The following PCOLCE variants were observed in gnomAD, a reference collection of about 807,000 sequenced individuals.
PCOLCE encodes the protein procollagen C-endopeptidase enhancer.
Under a neutral mutation model 47.2 loss-of-function variants are expected in PCOLCE, and 33 were observed. The observed-to-expected ratio is 0.70, with a 90% CI of 0.53 to 0.93. The LOEUF is 0.93. Ranked by LOEUF, PCOLCE falls within the 40% of genes least tolerant of loss-of-function variation. The probability of loss-of-function intolerance (pLI) is 0.00; values close to 1 mark genes in which losing one functional copy is unlikely to be tolerated. For missense variants in PCOLCE, 584 were observed against 585.3 expected (o/e 1.00, Z 0.02); for synonymous variants, 254 against 252.5 (o/e 1.01, Z -0.06).
Position 100,602,379 on chromosome 7 carries a change from C to CCGCCA in PCOLCE, c.-76_-72dup. 1.1e-6 allele frequency: 1 copy of CCGCCA among 946,950 alleles called. No homozygotes were observed. The highest frequency in any genetic ancestry group is 1.7e-6 in the Non-Finnish European group (1 of 582,556). The allele number at this position is 946,950 out of a possible 1,614,324, so 58.7% of individuals were successfully genotyped here. A position where few individuals can be genotyped will look rare whatever the true frequency, so the allele number is the denominator to read the frequency against. ...TCTGGCGCTGATTATCCTGCTGCTG[C>CCGCCA]CGCCACCGCTGCTGCTGCTCTGCAA... is the stretch of plus-strand genomic sequence containing the variant. On this transcript the variant is annotated 5_prime_UTR_variant, in exon 1 of 9. Coordinates refer to ENST00000223061, the MANE Select transcript of PCOLCE (RefSeq NM_002593.4).
In PCOLCE at chr7:100,605,070, G is replaced by T. The variant is rs768412040; in HGVS notation, c.464-21G>T. On this transcript the variant is annotated intron_variant, in intron 3 of 8. Transcript: ENST00000223061. The surrounding 1 kb of genome is among the most constrained non-coding windows in gnomAD (Gnocchi z 6.1). ...AGGGTCTCCACCGCCCCCCACCCCCGCTCCTCTCTCCCCTCCCCAGAGCAC... is the reference window on the plus strand; with the variant it reads ...AGGGTCTCCACCGCCCCCCACCCCCTCTCCTCTCTCCCCTCCCCAGAGCAC... The T allele has an allele frequency of 1.3e-6, 2 of 1,522,710 alleles. No individual in the cohort carries two copies. The highest frequency in any genetic ancestry group is 8.9e-7 in the Non-Finnish European group (1 of 1,117,346). The allele number at this position is 1,522,710 out of a possible 1,614,324, so 94.3% of individuals were successfully genotyped here.
Position 100,608,008 on chromosome 7 carries a change from G to A in PCOLCE, c.1255G>A (p.Val419Ile). 6.2e-7 allele frequency: 1 copy of A among 1,614,108 alleles called. No individual in the cohort carries two copies. Among genetic ancestry groups the A allele is most frequent in the Non-Finnish European group, 8.5e-7 (1 of 1,180,004 alleles). Residue 419 changes from valine (V) to isoleucine (I), a missense_variant, in exon 9 of 9, where the codon GTT (valine) becomes ATT (isoleucine). Coordinates refer to ENST00000223061, the MANE Select transcript of PCOLCE (RefSeq NM_002593.4). ...GPVLPPESFV[V>I]LHRPNQDQIL... is the part of the protein sequence containing the mutation. ...CGTCCTTCCTCCAGAGAGCTTTGTG[G>A]TTCTCCACCGGCCCAACCAGGACCA...
At position 100,606,533 on chromosome 7, in the gene PCOLCE, G is replaced by C; in HGVS notation, c.843G>C (p.Gly281=). The change falls in exon 6 of 9, where the codon GGG becomes GGC. Residue 281 remains glycine (G), a synonymous_variant. Transcript: ENST00000223061. ...KTLPRGTAKE[G]QGPGPKRGTE... Reference sequence around the variant, plus strand: ...TGCCGCGGGGCACTGCCAAAGAAGGGCAAGGGCCCGGCCCCAAACGGGGAA... The same window carrying C: ...TGCCGCGGGGCACTGCCAAAGAAGGCCAAGGGCCCGGCCCCAAACGGGGAA... 3 of 1,614,238 alleles carry C rather than the reference G, an allele frequency of 1.9e-6. No homozygotes were observed. Among genetic ancestry groups the C allele is most frequent in the Middle Eastern group, 1.6e-4 (1 of 6,062 alleles).
chr7:100,607,599 C>T (rs1489765329), intron 7 of PCOLCE, 38 bp from the exon 8 acceptor site: 1 of 1,609,802 alleles, frequency 6.2e-7, no homozygotes, highest in South Asian at 1.1e-5. Context: ...CATCTGGAAC[C>T]TCCCATCTCC....
In PCOLCE at chr7:100,603,988, A is replaced by T. The variant is rs367740698; in HGVS notation, c.234A>T (p.Ser78=). ...CCGAGGGCCAGACTGTGTCCCTCTC[A>T]TTCCGAGTCTTCGACCTGGAGCTGC... ...TVPEGQTVSL[S]FRVFDLELHP... Residue 78 remains serine, a synonymous_variant, in exon 3 of 9, where the codon TCA becomes TCT. Transcript: ENST00000223061. 2.3e-5 allele frequency: 37 copies of T among 1,602,868 alleles called. No homozygotes were observed. The highest frequency in any genetic ancestry group is 3.1e-5 in the Non-Finnish European group (37 of 1,179,916).
intron 1 of PCOLCE, 119 bp downstream of exon 1, chr7:100,602,670 A>C: frequency 1.4e-6 from 1 of 696,272 alleles, no homozygotes; most frequent in Non-Finnish European, 2.6e-6. Context: ...CAGATTCCCC[A>C]CCGCCTCACC....
Position 100,607,795 on chromosome 7 carries a change from C to A in PCOLCE, c.1171C>A (p.Pro391Thr), listed in dbSNP as rs556658822. Residue 391 changes from proline (P) to threonine (T), a missense_variant, in exon 8 of 9, where the codon CCC (proline) becomes ACC (threonine). Transcript: ENST00000223061. ...KFYVPCKQCP[P>T]MKKGVSYLLM... The stretch of plus-strand genomic sequence containing the variant: ...TTACGTGCCTTGCAAGCAGTGCCCC[C>A]CCATGAAGAAAGGTAACAGAGATGT... 3.7e-6 allele frequency: 6 copies of A among 1,614,100 alleles called. No homozygotes were observed. In the South Asian group the frequency reaches 4.4e-5, roughly 12 times the overall value.
rs1001704068 is a variant in PCOLCE at position 100,606,259 on chromosome 7, G to A, written c.726-157G>A. On this transcript the variant is annotated intron_variant, in intron 5 of 8. Transcript: ENST00000223061. ...CAGGAGGATTACTTGAACCCAGAAG[G>A]TCAAGGCTGCAGTAAGCCTAGATGG... 11 of 597,928 alleles carry A rather than the reference G, an allele frequency of 1.8e-5. No homozygotes were observed. The East Asian group carries it at 3.1e-4, about 17-fold the overall frequency. 37.0% of individuals were successfully genotyped at this position (597,928 alleles called of 1,614,324 possible). A position where few individuals can be genotyped will look rare whatever the true frequency, so the allele number is the denominator to read the frequency against.
At position 100,607,836 on chromosome 7, in the gene PCOLCE, G is replaced by A. The variant is rs1477559472; in HGVS notation, c.1183+29G>A. The A allele has an allele frequency of 1.9e-6, 3 of 1,613,738 alleles. No homozygotes were observed. In the Admixed American group the frequency reaches 5.0e-5, roughly 27 times the overall value. On this transcript the variant is annotated intron_variant, in intron 8 of 8. Transcript: ENST00000223061. ...ACAGAGATGTGGGGAAATGGGGATG[G>A]GTCAAGCTAAGCCACACAGAAATGA...
intron 1 of PCOLCE, 37 bp from the exon 2 acceptor site, chr7:100,603,393 G>T: frequency 3.3e-6 from 2 of 601,746 alleles, no homozygotes; most frequent in Non-Finnish European, 5.9e-6. Flanking sequence ...CGTCCCACCC[G>T]TCCCTGCTCT....
rs1207329338 is a variant in PCOLCE, at chr7:100,605,861, C to G, written c.725+49C>G. 7 of 1,532,794 alleles carry G rather than the reference C, an allele frequency of 4.6e-6. No homozygotes were observed. Among genetic ancestry groups the G allele is most frequent in the African/African-American group, 2.8e-5 (2 of 72,576 alleles). 94.9% of individuals were successfully genotyped at this position (1,532,794 alleles called of 1,614,324 possible). ...TCCGGGAGAGAGTCGGCGGACCGCACGCACGCGGCTGTTTGGAGGGGCGGG... is the reference window on the plus strand; with the variant it reads ...TCCGGGAGAGAGTCGGCGGACCGCAGGCACGCGGCTGTTTGGAGGGGCGGG... On this transcript the variant is annotated intron_variant, in intron 5 of 8. Coordinates refer to ENST00000223061, the MANE Select transcript of PCOLCE (RefSeq NM_002593.4). This position sits in a 1 kb window ranked among gnomAD's most constrained non-coding sequence, Gnocchi z 6.1.
Position 100,604,722 on chromosome 7 carries a change from C to A in PCOLCE, c.464-369C>A. The A allele has an allele frequency of 3.2e-6, 1 of 317,128 alleles. No homozygotes were observed. Among genetic ancestry groups the A allele is most frequent in the Non-Finnish European group, 6.0e-6 (1 of 167,304 alleles). The allele number at this position is 317,128 out of a possible 1,614,324, so 19.6% of individuals were successfully genotyped here. A position where few individuals can be genotyped will look rare whatever the true frequency, so the allele number is the denominator to read the frequency against. On this transcript the variant is annotated intron_variant, in intron 3 of 8. Transcript: ENST00000223061. The surrounding 1 kb of genome is among the most constrained non-coding windows in gnomAD (Gnocchi z 6.4). ...TAAAGGGGTCCTCGGGGGCTGTGCC[C>A]CAAGTCGAGGACACCCTCTCCAGCC...
At position 100,604,249 on chromosome 7, in the gene PCOLCE, C is replaced by A; in HGVS notation, c.463+32C>A. ...ACTCCCTCACCTCCGCCTTCCCCCC[C>A]TCCAGGCCCCGCCCCGGCCGCAGCC... On this transcript the variant is annotated intron_variant, in intron 3 of 8. Coordinates refer to ENST00000223061, the MANE Select transcript of PCOLCE (RefSeq NM_002593.4). This position sits in a 1 kb window ranked among gnomAD's most constrained non-coding sequence, Gnocchi z 6.4. 3 of 1,578,890 alleles carry A rather than the reference C, an allele frequency of 1.9e-6. No homozygotes were observed. Among genetic ancestry groups the A allele is most frequent in the African/African-American group, 2.7e-5 (2 of 73,670 alleles).
chr7:100,603,193 G>T, intron 1 of PCOLCE: 1 of 421,382 alleles, frequency 2.4e-6, no homozygotes, highest in East Asian at 4.0e-5. Flanking sequence ...GGGGACTCTT[G>T]GGGTTGGAGG....
rs1440292564 is a variant in PCOLCE at position 100,607,785 on chromosome 7, G to A, written c.1161G>A (p.Lys387=). The A allele has an allele frequency of 6.2e-7, 1 of 1,614,172 alleles. No homozygotes were observed. Among genetic ancestry groups the A allele is most frequent in the East Asian group, 2.2e-5 (1 of 44,886 alleles). The change falls in exon 8 of 9, where the codon AAG becomes AAA. Residue 387 remains lysine (K), a synonymous_variant. Coordinates refer to ENST00000223061, the MANE Select transcript of PCOLCE (RefSeq NM_002593.4). ...CCCTGAAGTTTTACGTGCCTTGCAA[G>A]CAGTGCCCCCCCATGAAGAAAGGTA... ...GASLKFYVPC[K]QCPPMKKGVS...
Position 100,605,974 on chromosome 7 carries a change from C to T in PCOLCE, c.725+162C>T, listed in dbSNP as rs1396079757. On this transcript the variant is annotated intron_variant, in intron 5 of 8. Transcript: ENST00000223061. The surrounding 1 kb of genome is among the most constrained non-coding windows in gnomAD (Gnocchi z 6.1). Reference sequence around the variant, plus strand: ...AGGCCAGGCAAAGAGGAGATTTGGCCCCGGGTCTGGGGTCCGCGGATAGAG... The same window carrying T: ...AGGCCAGGCAAAGAGGAGATTTGGCTCCGGGTCTGGGGTCCGCGGATAGAG... Among the ~76,000 whole-genome samples the T allele has an allele frequency of 6.6e-6, 1 of 152,114 alleles. No homozygotes were observed. The highest frequency in any genetic ancestry group is 1.5e-5 in the Non-Finnish European group (1 of 68,030).
rs1802737117 is a variant in PCOLCE at position 100,607,474 on chromosome 7, G to C, written c.963G>C (p.Gln321His). The C allele has an allele frequency of 1.2e-6, 2 of 1,613,996 alleles. No homozygotes were observed. The highest frequency in any genetic ancestry group is 1.3e-5 in the African/African-American group (1 of 74,900). Residue 321 changes from glutamine (Q) to histidine (H), a missense_variant, in exon 7 of 9, where the codon CAG (glutamine) becomes CAC (histidine). By Grantham distance (24) the Gln-to-His change is conservative. Transcript: ENST00000223061. Reference protein sequence around the residue: ...SAPDAPTCPKQCRRTGTLQSN... With the variant: ...SAPDAPTCPKHCRRTGTLQSN... ...TAGATGCACCCACCTGCCCAAAGCA[G>C]TGCCGCCGGACAGGCACCTTGCAGA... is the stretch of plus-strand genomic sequence containing the variant.
chr7:100,607,860 G>T, intron 8 of PCOLCE, 53 bp downstream of exon 8: 1 of 1,611,630 alleles, frequency 6.2e-7, no homozygotes, highest in African/African-American at 1.3e-5. Context: ...ACACAGAAAT[G>T]ATCAAGGTGT....
At position 100,605,801 on chromosome 7, in the gene PCOLCE, C is replaced by A; in HGVS notation, c.714C>A (p.Asp238Glu). Residue 238 changes from aspartate to glutamate, a missense_variant, in exon 5 of 9, where the codon GAC (aspartate) becomes GAA (glutamate). Physicochemically the swap from Asp to Glu is conservative, Grantham distance 45. Transcript: ENST00000223061. The surrounding 1 kb of genome is among the most constrained non-coding windows in gnomAD (Gnocchi z 6.1). ...DSRRLGKFCG[D>E]AVPGSISSEG... ...GGAGGCTGGGGAAGTTCTGCGGCGACGCAGTCCCGGGGTGAGGGGCGGGAC... is the reference window on the plus strand; with the variant it reads ...GGAGGCTGGGGAAGTTCTGCGGCGAAGCAGTCCCGGGGTGAGGGGCGGGAC... 1.3e-6 allele frequency: 2 copies of A among 1,552,732 alleles called. No individual in the cohort carries two copies. The highest frequency in any genetic ancestry group is 1.7e-6 in the Non-Finnish European group (2 of 1,147,844).
Sources: gnomAD v4.1 joint callset for allele counts (sites outside exome capture counted in the v4.1 genomes callset) on GRCh38, gnomAD v4.1.1 for gene constraint, Gnocchi (gnomAD v3.1) non-coding constraint, MANE v1.5 for transcripts, NCBI Gene and HGNC (gene_info 2026-07-23, HGNC 2026-07-21) for gene names.